SIRT6: variants seen among roughly 807,000 people sequenced by gnomAD.
SIRT6 encodes the protein NAD-dependent protein deacylase sirtuin-6.
In SIRT6, 21 loss-of-function variants were observed where a neutral mutation model predicts 33.6. The observed-to-expected ratio is 0.62, with a 90% CI of 0.44 to 0.90. The LOEUF is 0.90. Among genes scored for constraint, SIRT6 ranks in the 40% least tolerant of loss-of-function variants. The pLI is 0.00. For missense variants in SIRT6, 504 were observed against 510.6 expected (o/e 0.99, Z 0.12); for synonymous variants, 221 against 223.9 (o/e 0.99, Z 0.12).
At chr19:4,176,564 G>A (rs979406232) in intron 4 of SIRT6, among the ~76,000 whole-genome samples, 2 of 152,132 alleles carry the variant, frequency 1.3e-5, no homozygotes, top group African/African-American at 4.8e-5. Context: ...ACTCCAGCCT[G>A]GATGACAGAG....
At chr19:4,178,904 G>A (rs1333394378) in intron 3 of SIRT6, among the ~76,000 whole-genome samples, 200 bp downstream of exon 3, 1 of 152,164 alleles carries the variant, frequency 6.6e-6, no homozygotes, top group Non-Finnish European at 1.5e-5. Context: ...CCTCCCCTTA[G>A]CCCCATCTCG....
chr19:4,175,490 C>T (rs1967237408), intron 6 of SIRT6, 190 bp downstream of exon 6: 1 of 639,118 alleles, frequency 1.6e-6, no homozygotes, highest in Non-Finnish European at 2.7e-6. Flanking sequence ...GTGTAGCACC[C>T]ACCCAGAGCC....
chr19:4,176,576 G>A lies in SIRT6; in HGVS notation c.437+503C>T, dbSNP rs139093755. 1.3e-3 allele frequency among the ~76,000 whole-genome samples: 205 copies of A among 152,186 alleles called. 1 individual carries two copies. The highest frequency in any genetic ancestry group is 3.4e-3 in the African/African-American group (140 of 41,522). On this transcript the variant is annotated intron_variant, in intron 4 of 7. Transcript: ENST00000337491. ...TGTACTCCAGCCTGGATGACAGAGC[G>A]GGACTGTCTCAAAAAAAAGGAGAAA... is the stretch of plus-strand genomic sequence containing the variant.
At chr19:4,178,942 G>A (rs190950280) in intron 3 of SIRT6, among the ~76,000 whole-genome samples, 162 bp downstream of exon 3, 16 of 152,310 alleles carry the variant, frequency 1.1e-4, no homozygotes, top group East Asian at 1.9e-4. Context: ...GGCCTCAGCC[G>A]GGACAGCTCT....
Position 4,182,526 on chromosome 19 carries a change from T to C in SIRT6, c.14A>G (p.Tyr5Cys). The C allele has an allele frequency of 1.2e-6, 2 of 1,611,246 alleles. No homozygotes were observed. The highest frequency in any genetic ancestry group is 1.7e-6 in the Non-Finnish European group (2 of 1,179,000). MSVN[Y>C]AAGLSPYADK... ...CGCGTACGGCGACAGCCCCGCCGCGTAATTCACCGACATCCTCGACTGCCC... is the reference window on the plus strand; with the variant it reads ...CGCGTACGGCGACAGCCCCGCCGCGCAATTCACCGACATCCTCGACTGCCC... The change falls in exon 1 of 8, where the codon TAC becomes TGC. Residue 5 changes from tyrosine (Y) to cysteine (C), a missense_variant. By Grantham distance (194) the Tyr-to-Cys change is radical. Transcript: ENST00000337491.
chr19:4,179,112 G>GC lies in SIRT6; in HGVS notation c.368dup (p.Phe124LeufsTer22). The GC allele has an allele frequency of 1.2e-6, 2 of 1,612,012 alleles. No individual in the cohort carries two copies. Among genetic ancestry groups the GC allele is most frequent in the Non-Finnish European group, 1.7e-6 (2 of 1,179,786 alleles). On this transcript the variant is annotated frameshift_variant, in exon 3 of 8. Coordinates refer to ENST00000337491, the MANE Select transcript of SIRT6 (RefSeq NM_016539.4). LOFTEE classifies it high-confidence loss of function. ...CGGGGCCAGGGTGTTACCTGGGGAA[G>GC]CCTGAGCGCACATGGAGCCCGTCCA...
At position 4,174,938 on chromosome 19, in the gene SIRT6, A is replaced by G; in HGVS notation, c.747T>C (p.His249=). 2 of 1,608,488 alleles carry G rather than the reference A, an allele frequency of 1.2e-6. No homozygotes were observed. Among genetic ancestry groups the G allele is most frequent in the African/African-American group, 1.3e-5 (1 of 74,966 alleles). Residue 249 remains histidine, a synonymous_variant, in exon 8 of 8, where the codon CAT becomes CAC. Coordinates refer to ENST00000337491, the MANE Select transcript of SIRT6 (RefSeq NM_016539.4). The surrounding 1 kb of genome is among the most constrained non-coding windows in gnomAD (Gnocchi z 4.2). ...VNLQPTKHDR[H]ADLRIHGYVD... ...CGTAGCCATGGATGCGGAGGTCAGC[A>G]TGGCGGTCCTGCCGAGGGGCGGGAC...
chr19:4,178,973 C>T (rs553407618), intron 3 of SIRT6, 131 bp downstream of exon 3: 593 of 1,212,794 alleles, frequency 4.9e-4, no homozygotes, highest in Non-Finnish European at 6.3e-4. Context: ...ACTCAGAGAT[C>T]TCCACACACT....
intron 6 of SIRT6, 156 bp from the exon 7 acceptor site, chr19:4,175,307 C>T (rs1967226964): frequency 9.7e-7 from 1 of 1,031,076 alleles, no homozygotes; most frequent in Non-Finnish European, 1.4e-6. Flanking sequence ...CCGCCCTGCC[C>T]TCCTCTGCGG....
chr19:4,178,841 A>C (rs1198546663), intron 3 of SIRT6, among the ~76,000 whole-genome samples: 1 of 152,152 alleles, frequency 6.6e-6, no homozygotes, highest in Non-Finnish European at 1.5e-5. Context: ...TCGGTCTCAA[A>C]AACAACAACA....
Position 4,177,089 on chromosome 19 carries a change from TG to T in SIRT6, c.426del (p.Lys143SerfsTer17). 1 of 1,613,712 alleles carries T rather than the reference TG, an allele frequency of 6.2e-7. No homozygotes were observed. The highest frequency in any genetic ancestry group is 1.1e-5 in the South Asian group (1 of 91,032). On this transcript the variant is annotated frameshift_variant, in exon 4 of 8. Coordinates refer to ENST00000337491, the MANE Select transcript of SIRT6 (RefSeq NM_016539.4). LOFTEE classifies it high-confidence loss of function. ...CCAGGTGGCACTCACGTCTTACACT[TG>T]GCACATTCTTCCACAAACATGTTCC... ...LHGNMFVEEC[A>X]KCKTQYVRDT...
Position 4,174,686 on chromosome 19 carries a change from C to T in SIRT6, c.999G>A (p.Arg333=). The T allele has an allele frequency of 6.8e-7, 1 of 1,460,118 alleles. No homozygotes were observed. The highest frequency in any genetic ancestry group is 2.5e-5 in the East Asian group (1 of 40,482). 90.4% of individuals were successfully genotyped at this position (1,460,118 alleles called of 1,614,324 possible). The change falls in exon 8 of 8, where the codon CGG becomes CGA. Residue 333 remains arginine (R), a synonymous_variant. Coordinates refer to ENST00000337491, the MANE Select transcript of SIRT6 (RefSeq NM_016539.4). The surrounding 1 kb of genome is among the most constrained non-coding windows in gnomAD (Gnocchi z 4.2). ...HNGSEPASPK[R]ERPTSPAPHR... ...GGGGGGCAGGGCTGGTGGGCCGCTC[C>T]CGTTTGGGGCTGGCGGGCTCTGAGC... is the stretch of plus-strand genomic sequence containing the variant.
chr19:4,175,392 G>A, intron 6 of SIRT6: 1 of 646,252 alleles, frequency 1.5e-6, no homozygotes, highest in South Asian at 2.0e-5. Context: ...TAAGAGCTTG[G>A]ACACCTAGGG....
At chr19:4,179,845 GGAAGATCAGACA>G (rs1379131198) in intron 2 of SIRT6, among the ~76,000 whole-genome samples, 1 of 152,136 alleles carries the variant, frequency 6.6e-6, no homozygotes, top group Non-Finnish European at 1.5e-5. Context: ...AGGGTGAGAG[GGAAGATCAGACA>G]GAAGGGGTAA....
rs201772061 is a variant in SIRT6, at chr19:4,180,779, G to A, written c.194+3C>T. The A allele has an allele frequency of 2.5e-6, 4 of 1,608,250 alleles. 1 individual carries two copies. In the East Asian group the frequency reaches 6.7e-5, roughly 27 times the overall value. The stretch of plus-strand genomic sequence containing the variant: ...CCTCGACTTCCCCTGCACAATCACA[G>A]ACCTGAAGTCGGGGATGCCAGAGGC... On this transcript the variant is annotated splice_donor_region_variant and intron_variant, in intron 2 of 7. Transcript: ENST00000337491.
chr19:4,174,682 G>A lies in SIRT6; in HGVS notation c.1003C>T (p.Arg335Trp), dbSNP rs1171235621. 26 of 1,459,222 alleles carry A rather than the reference G, an allele frequency of 1.8e-5. No homozygotes were observed. The highest frequency in any genetic ancestry group is 1.9e-4 in the Middle Eastern group (1 of 5,392). 90.4% of individuals were successfully genotyped at this position (1,459,222 alleles called of 1,614,324 possible). ...GSEPASPKRE[R>W]PTSPAPHRPP... is the part of the protein sequence containing the mutation. ...CTGTGGGGGGCAGGGCTGGTGGGCCGCTCCCGTTTGGGGCTGGCGGGCTCT... is the reference window on the plus strand; with the variant it reads ...CTGTGGGGGGCAGGGCTGGTGGGCCACTCCCGTTTGGGGCTGGCGGGCTCT... Residue 335 changes from arginine to tryptophan, a missense_variant, in exon 8 of 8, where the codon CGG (arginine) becomes TGG (tryptophan). Physicochemically the swap from Arg to Trp is moderately radical, Grantham distance 101. Transcript: ENST00000337491. The surrounding 1 kb of genome is among the most constrained non-coding windows in gnomAD (Gnocchi z 4.2).
chr19:4,176,044 T>C (rs1967285417), intron 4 of SIRT6, 107 bp from the exon 5 acceptor site: 1 of 908,922 alleles, frequency 1.1e-6, no homozygotes, highest in South Asian at 1.5e-5. Context: ...GGTGGACAGG[T>C]GACCAGAACT....
chr19:4,174,526 C>G lies in SIRT6; in HGVS notation c.*91G>C. ...CACAGCTCTCAGAGCCCTGAGGCTCCCGGGGACAGAAACAAGTAACAAAGT... is the reference window on the plus strand; with the variant it reads ...CACAGCTCTCAGAGCCCTGAGGCTCGCGGGGACAGAAACAAGTAACAAAGT... On this transcript the variant is annotated 3_prime_UTR_variant, in exon 8 of 8. Transcript: ENST00000337491. This position sits in a 1 kb window ranked among gnomAD's most constrained non-coding sequence, Gnocchi z 4.2. The G allele has an allele frequency of 8.2e-7, 1 of 1,225,856 alleles. No individual in the cohort carries two copies. The highest frequency in any genetic ancestry group is 1.1e-6 in the Non-Finnish European group (1 of 925,310). 75.9% of individuals were successfully genotyped at this position (1,225,856 alleles called of 1,614,324 possible). A position where few individuals can be genotyped will look rare whatever the true frequency, so the allele number is the denominator to read the frequency against.
At chr19:4,179,679 C>T (rs574033109) in intron 2 of SIRT6, among the ~76,000 whole-genome samples, 6 of 152,342 alleles carry the variant, frequency 3.9e-5, no homozygotes, top group South Asian at 2.1e-4. Flanking sequence ...CCTCCAGAAG[C>T]CCTTGATCTT....
Sources: gnomAD v4.1 joint callset for allele counts (sites outside exome capture counted in the v4.1 genomes callset) on GRCh38, gnomAD v4.1.1 for gene constraint, Gnocchi (gnomAD v3.1) non-coding constraint, MANE v1.5 for transcripts, NCBI Gene and HGNC (gene_info 2026-07-23, HGNC 2026-07-21) for gene names.